Variants in C10orf67 observed in about 807,000 individuals in gnomAD.
C10orf67 encodes the protein chromosome 10 open reading frame 67.
C10orf67 carries 60 observed loss-of-function variants against 35.6 expected under a neutral mutation model. The observed-to-expected ratio is 1.68, with a 90% CI of 1.37 to 2.09. C10orf67 has a LOEUF of 2.09. C10orf67 is among the 30% of genes most tolerant of loss of function. The pLI is 0.00. For missense variants in C10orf67, 474 were observed against 330.2 expected (o/e 1.44, Z -3.38); for synonymous variants, 167 against 115.8 (o/e 1.44, Z -2.84).
At chr10:23,239,130 C>T (rs1842115527) in intron 13 of C10orf67, among the ~76,000 whole-genome samples, 1 of 152,154 alleles carries the variant, frequency 6.6e-6, no homozygotes, top group South Asian at 2.1e-4. Context: ...AGGTTCTCAA[C>T]AAAGTTTGTC....
intron 5 of C10orf67, among the ~76,000 whole-genome samples, chr10:23,298,064 G>A (rs1357611739): frequency 1.3e-5 from 2 of 152,092 alleles, no homozygotes; most frequent in Non-Finnish European, 2.9e-5. Context: ...GACCATCCTG[G>A]CGAACACGGT....
chr10:23,316,419 G>A (rs193299309), intron 4 of C10orf67, among the ~76,000 whole-genome samples: 17 of 152,340 alleles, frequency 1.1e-4, no homozygotes, highest in East Asian at 3.9e-4. Flanking sequence ...AGGTCTGGGC[G>A]CCCCCAAGGG....
At chr10:23,212,546 G>A (rs981601622) in intron 15 of C10orf67, among the ~76,000 whole-genome samples, 17 of 152,088 alleles carry the variant, frequency 1.1e-4, no homozygotes, top group Admixed American at 7.2e-4. Flanking sequence ...AACAACAACA[G>A]TTTTTAACCT....
At chr10:23,255,310 A>G (rs1842570634) in intron 10 of C10orf67, among the ~76,000 whole-genome samples, 1 of 152,266 alleles carries the variant, frequency 6.6e-6, no homozygotes, top group Admixed American at 6.5e-5. Context: ...TTGTTAAGGT[A>G]GGCAAATCTT....
chr10:23,236,950 T>C (rs1842066646), intron 13 of C10orf67, among the ~76,000 whole-genome samples: 1 of 152,096 alleles, frequency 6.6e-6, no homozygotes, highest in Non-Finnish European at 1.5e-5. Context: ...AGGTAAATTG[T>C]GTATCATGGG....
At chr10:23,279,264 C>G (rs2132230683) in intron 8 of C10orf67, among the ~76,000 whole-genome samples, 1 of 152,356 alleles carries the variant, frequency 6.6e-6, no homozygotes, top group South Asian at 2.1e-4. Flanking sequence ...TACAGGGACA[C>G]AGTCACATTA....
Position 23,222,035 on chromosome 10 carries a change from G to A in C10orf67, c.1570+1563C>T, listed in dbSNP as rs117029887. 3.6e-3 allele frequency among the ~76,000 whole-genome samples: 549 copies of A among 152,236 alleles called. 1 individual carries two copies. The highest frequency in any genetic ancestry group is 6.4e-3 in the Non-Finnish European group (432 of 68,008). On this transcript the variant is annotated intron_variant, in intron 15 of 15. Coordinates refer to ENST00000636213, the MANE Select transcript of C10orf67 (RefSeq NM_001371909.1). Reference sequence around the variant, plus strand: ...TGCTGATTAATATTCAGAATTATGAGCCTTAGAGCACACTGTAAAATTATG... The same window carrying A: ...TGCTGATTAATATTCAGAATTATGAACCTTAGAGCACACTGTAAAATTATG...
intron 4 of C10orf67, among the ~76,000 whole-genome samples, chr10:23,308,914 T>C (rs923775635): frequency 6.6e-6 from 1 of 152,306 alleles, no homozygotes; most frequent in Admixed American, 6.5e-5. Context: ...CCACCTGCTC[T>C]GGAAACCTTA....
intron 8 of C10orf67, among the ~76,000 whole-genome samples, chr10:23,277,962 TCA>T (rs1292570079): frequency 6.6e-6 from 1 of 152,078 alleles, no homozygotes; most frequent in Admixed American, 6.6e-5. Flanking sequence ...AGCAGGTGTC[TCA>T]CATGGTGGGA....
intron 4 of C10orf67, chr10:23,318,683 T>C (rs187090672): frequency 7.6e-6 from 4 of 527,596 alleles, no homozygotes; most frequent in East Asian, 3.0e-5. Context: ...GTCACAGAGA[T>C]CGTTAGCAGA....
At chr10:23,340,113 T>G (rs896811856) in intron 1 of C10orf67, among the ~76,000 whole-genome samples, 1 of 152,292 alleles carries the variant, frequency 6.6e-6, no homozygotes, top group South Asian at 2.1e-4. Context: ...GGAGTGTGAA[T>G]AGTTTTTACC....
chr10:23,288,990 C>T (rs1294138344), intron 7 of C10orf67, among the ~76,000 whole-genome samples: 1 of 152,120 alleles, frequency 6.6e-6, no homozygotes, highest in Non-Finnish European at 1.5e-5. Context: ...TCCAGTAGGG[C>T]AGGGAAGATA....
In C10orf67 at chr10:23,291,275, G is replaced by C. The variant is rs1175773979; in HGVS notation, c.707C>G (p.Ser236Cys). 1.4e-6 allele frequency: 1 copy of C among 713,916 alleles called. No individual in the cohort carries two copies. Among genetic ancestry groups the C allele is most frequent in the Non-Finnish European group, 2.6e-6 (1 of 384,420 alleles). The allele number at this position is 713,916 out of a possible 1,614,324, so 44.2% of individuals were successfully genotyped here. A position where few individuals can be genotyped will look rare whatever the true frequency, so the allele number is the denominator to read the frequency against. ...TGGAGAGCTGGTTTCTTTGGCAAAAGATTCCTAAAAGATGGAGAATGCCAT... is the reference window on the plus strand; with the variant it reads ...TGGAGAGCTGGTTTCTTTGGCAAAACATTCCTAAAAGATGGAGAATGCCAT... ...YKDFGFHKME[S>C]FAKETSSPKS... The change falls in exon 6 of 16, where the codon TCT becomes TGT. Residue 236 changes from serine to cysteine, a missense_variant. Ser to Cys is a moderately radical substitution (Grantham distance 112). Transcript: ENST00000636213.
In C10orf67 at chr10:23,225,649, G is replaced by A. The variant is rs181406862; in HGVS notation, c.1435-1831C>T. Among the ~76,000 whole-genome samples, 454 of 152,202 alleles carry A rather than the reference G, an allele frequency of 3.0e-3. 1 individual carries two copies. Among genetic ancestry groups the A allele is most frequent in the Non-Finnish European group, 5.5e-3 (377 of 68,018 alleles). Reference sequence around the variant, plus strand: ...TACCTCACGTGCAGAGACACACATAGGCTCAAAATAAAGGGACGGAGGAAG... The same window carrying A: ...TACCTCACGTGCAGAGACACACATAAGCTCAAAATAAAGGGACGGAGGAAG... On this transcript the variant is annotated intron_variant, in intron 13 of 15. Transcript: ENST00000636213.
intron 12 of C10orf67, among the ~76,000 whole-genome samples, chr10:23,249,719 G>A (rs1842401856): frequency 6.6e-6 from 1 of 152,200 alleles, no homozygotes; most frequent in Non-Finnish European, 1.5e-5. Flanking sequence ...TAAGCTTCAA[G>A]TTTGACCTCC....
chr10:23,326,785 T>A lies in C10orf67; in HGVS notation c.328-4248A>T, dbSNP rs77821119. Among the ~76,000 whole-genome samples, 527 of 152,178 alleles carry A rather than the reference T, an allele frequency of 3.5e-3. 8 individuals carry two copies. The highest frequency in any genetic ancestry group is 0.012 in the African/African-American group (501 of 41,514). ...AATATTAATGCTAAGTACACTATAA[T>A]CCTTGCTGAACAAAGGGTCAAAAGA... is the stretch of plus-strand genomic sequence containing the variant. On this transcript the variant is annotated intron_variant, in intron 2 of 15. Coordinates refer to ENST00000636213, the MANE Select transcript of C10orf67 (RefSeq NM_001371909.1).
rs74551225 is a variant in C10orf67 at position 23,284,169 on chromosome 10, T to C, written c.910-2091A>G. Among the ~76,000 whole-genome samples, 470 of 150,312 alleles carry C rather than the reference T, an allele frequency of 3.1e-3. 13 individuals carry two copies. In the East Asian group the frequency reaches 0.048, roughly 15 times the overall value. ...ACGTGGTTATCTGAAGGCTTCTGAG[T>C]TGCTCCTTTCCATTCTTCCATTTCC... is the stretch of plus-strand genomic sequence containing the variant. On this transcript the variant is annotated intron_variant, in intron 7 of 15. Coordinates refer to ENST00000636213, the MANE Select transcript of C10orf67 (RefSeq NM_001371909.1).
intron 8 of C10orf67, among the ~76,000 whole-genome samples, chr10:23,281,156 AGGCT>A (rs1843353163): frequency 6.6e-6 from 1 of 152,204 alleles, no homozygotes; most frequent in Non-Finnish European, 1.5e-5. Flanking sequence ...GTTTCGTAGA[AGGCT>A]TTATTGTAAT....
At chr10:23,221,233 C>CGA (rs1210721678) in intron 15 of C10orf67, among the ~76,000 whole-genome samples, 1 of 151,758 alleles carries the variant, frequency 6.6e-6, no homozygotes, top group Non-Finnish European at 1.5e-5. Context: ...CAGGAGAGAG[C>CGA]GAGAGAGAGA....
Sources: allele counts gnomAD v4.1 joint callset (sites outside exome capture counted in the v4.1 genomes callset), GRCh38; gene constraint gnomAD v4.1.1; transcripts MANE v1.5; gene names NCBI Gene and HGNC (gene_info 2026-07-23, HGNC 2026-07-21).